The following PCDHGB3 variants were observed in gnomAD, a reference collection of about 807,000 sequenced individuals.
PCDHGB3 encodes protocadherin gamma-B3.
A neutral mutation model predicts 59.2 loss-of-function variants in PCDHGB3; 40 were observed. That is an observed-to-expected ratio of 0.68 (90% confidence interval 0.52 to 0.88). The LOEUF is 0.88. PCDHGB3 is among the 40% of genes least tolerant of loss of function. The pLI is 0.00. For missense variants in PCDHGB3, 1,309 were observed against 1,187.9 expected (o/e 1.10, Z -1.50); for synonymous variants, 581 against 503.6 (o/e 1.15, Z -2.06).
At chr5:141,466,809 C>T (rs1187657283) in intron 1 of PCDHGB3, among the ~76,000 whole-genome samples, 2 of 152,102 alleles carry the variant, frequency 1.3e-5, no homozygotes, top group African/African-American at 4.8e-5. Context: ...CCTATTCAGA[C>T]ATGGTATAAC....
At chr5:141,418,000 G>A (rs758811293) in intron 1 of PCDHGB3, 6 of 1,613,902 alleles carry the variant, frequency 3.7e-6, no homozygotes, top group Admixed American at 1.7e-5. Context: ...GCTCGGTGGT[G>A]GGGAACCTCG....
intron 1 of PCDHGB3, among the ~76,000 whole-genome samples, chr5:141,481,008 A>G (rs2099529606): frequency 6.6e-6 from 1 of 152,224 alleles, no homozygotes; most frequent in Non-Finnish European, 1.5e-5. Context: ...CAGTGAGCCC[A>G]GATCACACCA....
chr5:141,374,274 T>C lies in PCDHGB3; in HGVS notation c.2415+1465T>C, dbSNP rs981240859. ...CCCCAGGAGTTGGCGGAGCACGGAG[T>C]CCGCATCGTCTCCAGAGGTAGGATG... On this transcript the variant is annotated intron_variant, in intron 1 of 3. Transcript: ENST00000576222. The C allele has an allele frequency of 6.2e-7, 1 of 1,613,742 alleles. No homozygotes were observed. Among genetic ancestry groups the C allele is most frequent in the African/African-American group, 1.3e-5 (1 of 74,888 alleles).
chr5:141,500,571 C>T (rs1171231755), intron 2 of PCDHGB3, among the ~76,000 whole-genome samples: 1 of 152,196 alleles, frequency 6.6e-6, no homozygotes, highest in African/African-American at 2.4e-5. Context: ...GTCACACTTT[C>T]ATGTGACACT....
At position 141,371,549 on chromosome 5, in the gene PCDHGB3, A is replaced by G; in HGVS notation, c.1155A>G (p.Gln385=). 1 of 1,613,886 alleles carries G rather than the reference A, an allele frequency of 6.2e-7. No homozygotes were observed. Among genetic ancestry groups the G allele is most frequent in the Non-Finnish European group, 8.5e-7 (1 of 1,179,792 alleles). ...GATTTAATGGAGAAATCCTATGCCA[A>G]CTAAAAGGAAACTTCCCCTTTAAAA... ...DSGFNGEILC[Q]LKGNFPFKIV... The change falls in exon 1 of 4, where the codon CAA becomes CAG. Residue 385 remains glutamine, a synonymous_variant. Coordinates refer to ENST00000576222, the MANE Select transcript of PCDHGB3 (RefSeq NM_018924.5).
chr5:141,508,171 A>G (rs1364776681), intron 3 of PCDHGB3: 2 of 152,406 alleles, frequency 1.3e-5, no homozygotes, highest in African/African-American at 4.8e-5. Context: ...AGGCTGGCAC[A>G]GGAGAGAAGG....
In PCDHGB3 at chr5:141,491,801, G is replaced by C; in HGVS notation, c.2416-3006G>C. 1 of 1,500,844 alleles carries C rather than the reference G, an allele frequency of 6.7e-7. No individual in the cohort carries two copies. Among genetic ancestry groups the C allele is most frequent in the Non-Finnish European group, 8.9e-7 (1 of 1,125,292 alleles). The allele number at this position is 1,500,844 out of a possible 1,614,324, so 93.0% of individuals were successfully genotyped here. The stretch of plus-strand genomic sequence containing the variant: ...AACTTGCATCCACTCCTCTCCGGCC[G>C]GCTTGGTCGCTGGCTGCGCTCCACC... On this transcript the variant is annotated intron_variant, in intron 1 of 3. Coordinates refer to ENST00000576222, the MANE Select transcript of PCDHGB3 (RefSeq NM_018924.5). The surrounding 1 kb of genome is among the most constrained non-coding windows in gnomAD (Gnocchi z 6.9).
At chr5:141,403,106 C>A (rs1311418325) in intron 1 of PCDHGB3, 1 of 1,614,066 alleles carries the variant, frequency 6.2e-7, no homozygotes. Context: ...CTCCAAGGAC[C>A]TGGCTCTGGA....
chr5:141,372,071 A>G lies in PCDHGB3; in HGVS notation c.1677A>G (p.Ala559=). The change falls in exon 1 of 4, where the codon GCA becomes GCG. Residue 559 remains alanine (A), a synonymous_variant. Coordinates refer to ENST00000576222, the MANE Select transcript of PCDHGB3 (RefSeq NM_018924.5). ...TGGTGGACGACCGCAACGACAATGC[A>G]CCGCTGGTGCTGTACCCAGCTCTGG... ...RVLVDDRNDN[A]PLVLYPALGP... 1 of 1,613,608 alleles carries G rather than the reference A, an allele frequency of 6.2e-7. No homozygotes were observed. Among genetic ancestry groups the G allele is most frequent in the Non-Finnish European group, 8.5e-7 (1 of 1,179,860 alleles).
chr5:141,384,709 C>G, intron 1 of PCDHGB3: 2 of 1,614,124 alleles, frequency 1.2e-6, no homozygotes, highest in South Asian at 1.1e-5. Context: ...GAACGCCTGG[C>G]TGTCATACCT....
At chr5:141,453,205 G>C (rs570291941) in intron 1 of PCDHGB3, among the ~76,000 whole-genome samples, 2 of 151,872 alleles carry the variant, frequency 1.3e-5, no homozygotes, top group Non-Finnish European at 2.9e-5. Context: ...CCTCAACCTC[G>C]TGCACTTAAG....
chr5:141,478,040 C>G (rs773058963), intron 1 of PCDHGB3: 1 of 1,614,160 alleles, frequency 6.2e-7, no homozygotes, highest in Non-Finnish European at 8.5e-7. Context: ...TTCACCCAGG[C>G]AGACTCTCAC....
intron 1 of PCDHGB3, chr5:141,413,078 C>A: frequency 7.7e-7 from 1 of 1,301,148 alleles, no homozygotes; most frequent in Non-Finnish European, 1.1e-6. Flanking sequence ...AGTGCCCAGG[C>A]TACAGAGACA....
chr5:141,394,081 T>C, intron 1 of PCDHGB3: 3 of 1,613,892 alleles, frequency 1.9e-6, no homozygotes, highest in Non-Finnish European at 2.5e-6. Context: ...ATCACAGTGA[T>C]GGCCTCAGAT....
At chr5:141,416,093 C>T (rs1241017265) in intron 1 of PCDHGB3, 1 of 162,720 alleles carries the variant, frequency 6.1e-6, no homozygotes, top group Admixed American at 6.4e-5. Flanking sequence ...AGGAGAAGGG[C>T]AATAGGCCTT....
chr5:141,458,612 C>T (rs1381385841), intron 1 of PCDHGB3, among the ~76,000 whole-genome samples: 1 of 152,084 alleles, frequency 6.6e-6, no homozygotes, highest in Non-Finnish European at 1.5e-5. Flanking sequence ...CTCTGTCAGC[C>T]AGGCTGGAGT....
rs758405089 is a variant in PCDHGB3 at position 141,383,617 on chromosome 5, C to T, written c.2415+10808C>T. 5.1e-5 allele frequency: 82 copies of T among 1,613,734 alleles called. No homozygotes were observed. The Admixed American group carries it at 9.0e-4, about 18-fold the overall frequency. On this transcript the variant is annotated intron_variant, in intron 1 of 3. Coordinates refer to ENST00000576222, the MANE Select transcript of PCDHGB3 (RefSeq NM_018924.5). ...AGTGGTGGATGTGAATGACCACACG[C>T]CTGTCTTCTCTCTGCCTCAGTACCA...
chr5:141,421,353 G>T, intron 1 of PCDHGB3: 1 of 1,613,998 alleles, frequency 6.2e-7, no homozygotes, highest in Non-Finnish European at 8.5e-7. Context: ...AGACCGAAAA[G>T]GGCTCCTTCG....
At chr5:141,396,767 G>C (rs900685366) in intron 1 of PCDHGB3, 1 of 152,220 alleles carries the variant, frequency 6.6e-6, no homozygotes, top group African/African-American at 2.4e-5. Context: ...ATAAATGTTT[G>C]TTATTAATGA....
Sources: gnomAD v4.1 joint callset for allele counts (sites outside exome capture counted in the v4.1 genomes callset) on GRCh38, gnomAD v4.1.1 for gene constraint, Gnocchi (gnomAD v3.1) non-coding constraint, MANE v1.5 for transcripts, NCBI Gene and HGNC (gene_info 2026-07-23, HGNC 2026-07-21) for gene names.